CNTRL: variants seen among roughly 807,000 people sequenced by gnomAD.
CNTRL encodes the protein 110 kDa centrosomal protein.
CNTRL carries 233 observed loss-of-function variants against 303.7 expected under a neutral mutation model. That is an observed-to-expected ratio of 0.77 (90% confidence interval 0.69 to 0.86). The LOEUF (loss-of-function observed/expected upper bound fraction) is 0.86, where lower values mean the gene tolerates loss of function less well. CNTRL is among the 40% of genes least tolerant of loss of function. The pLI, the probability that CNTRL is intolerant of heterozygous loss-of-function variation, is 0.00. For missense variants in CNTRL, 2,524 were observed against 2,650.6 expected, an observed-to-expected ratio of 0.95 and a Z score of 1.05; for synonymous variants, 900 against 922.2, an observed-to-expected ratio of 0.98 and a Z score of 0.44.
chr9:121,107,898 A>G lies in CNTRL; in HGVS notation c.905A>G (p.Asn302Ser), dbSNP rs747969832. ...ACAAGGTTCCTTGAGGAAATTAAAA[A>G]TCAAGATAAATTGAATAAATCATTA... The part of the protein sequence containing the change: ...KQTRFLEEIK[N>S]QDKLNKSLKE... The change falls in exon 8 of 44, where the codon AAT becomes AGT. Residue 302 changes from asparagine to serine, a missense_variant. Transcript: ENST00000373855. The G allele has an allele frequency of 1.2e-6, 2 of 1,611,156 alleles. No homozygotes were observed. Among genetic ancestry groups the G allele is most frequent in the Non-Finnish European group, 8.5e-7 (1 of 1,178,642 alleles).
At position 121,175,131 on chromosome 9, in the gene CNTRL, GGTCACCAGCACCTCTGCAGATTCAGC is replaced by G. The variant is rs1564311600; in HGVS notation, c.6866_6891del (p.Thr2289IlefsTer65). 1 of 1,614,070 alleles carries G rather than the reference GGTCACCAGCACCTCTGCAGATTCAGC, an allele frequency of 6.2e-7. No individual in the cohort carries two copies. Among genetic ancestry groups the G allele is most frequent in the South Asian group, 1.1e-5 (1 of 91,078 alleles). ...GACAAGTAGATGCTTTAGGGGAATT[GGTCACCAGCACCTCTGCAGATTCAGC>G]GTCATCACCCAGTCTGTCTCAGCTG... On this transcript the variant is annotated frameshift_variant, in exon 43 of 44. Transcript: ENST00000373855. LOFTEE classifies it high-confidence loss of function.
At chr9:121,075,821 T>TA (rs1437432932) in intron 1 of CNTRL, among the ~76,000 whole-genome samples, 1 of 152,214 alleles carries the variant, frequency 6.6e-6, no homozygotes, top group Non-Finnish European at 1.5e-5. Context: ...CATCCCCATT[T>TA]AAAAAGTGAT....
intron 2 of CNTRL, among the ~76,000 whole-genome samples, chr9:121,086,841 CG>C (rs1347299091): frequency 2.0e-5 from 3 of 151,928 alleles, no homozygotes; most frequent in Admixed American, 2.0e-4. Flanking sequence ...CTAGTAGAGA[CG>C]GGGTTTTGCC....
At chr9:121,171,726 TA>T (rs2053313868) in intron 40 of CNTRL, 178 bp downstream of exon 40, 1 of 481,676 alleles carries the variant, frequency 2.1e-6, no homozygotes, top group African/African-American at 2.0e-5. Flanking sequence ...CCTTGACTAT[TA>T]AAAATATAAA....
intron 43 of CNTRL, among the ~76,000 whole-genome samples, chr9:121,175,548 C>T (rs1312624853): frequency 1.3e-5 from 2 of 152,166 alleles, no homozygotes; most frequent in East Asian, 3.8e-4. Context: ...GGATTACAGG[C>T]GTGAGCCACC....
chr9:121,075,118 T>C, intron 1 of CNTRL, 51 bp downstream of exon 1: 1 of 355,734 alleles, frequency 2.8e-6, no homozygotes. Context: ...GCCCGAGCAG[T>C]GGGGGCCGGC....
At chr9:121,114,414 G>C (rs540228434) in intron 10 of CNTRL, among the ~76,000 whole-genome samples, 1 of 152,314 alleles carries the variant, frequency 6.6e-6, no homozygotes, top group South Asian at 2.1e-4. Context: ...TTGACTGGTA[G>C]CTAAGTGGAA....
intron 23 of CNTRL, 79 bp from the exon 24 acceptor site, chr9:121,148,593 T>C (rs2052018262): frequency 7.5e-6 from 10 of 1,337,144 alleles, no homozygotes; most frequent in Non-Finnish European, 1.0e-5. Flanking sequence ...CATCTCAACT[T>C]TGCTGTAGAC....
chr9:121,151,384 C>CTTTTTTTTTTTTTTTT (rs200247383), intron 25 of CNTRL, among the ~76,000 whole-genome samples: 47 of 91,506 alleles, frequency 5.1e-4, no homozygotes, highest in Admixed American at 1.2e-3. Context: ...CTTTTTTCTT[C>CTTTTTTTTTTTTTTTT]TTCTTTTTTT....
intron 7 of CNTRL, among the ~76,000 whole-genome samples, chr9:121,104,712 T>TC (rs1485121643): frequency 1.4e-5 from 2 of 146,488 alleles, no homozygotes; most frequent in African/African-American, 5.0e-5. Context: ...TTTTTTTTTT[T>TC]TTTTTTGAGA....
intron 11 of CNTRL, among the ~76,000 whole-genome samples, chr9:121,116,496 A>T (rs1288205600): frequency 2.6e-5 from 4 of 151,640 alleles, no homozygotes; most frequent in Non-Finnish European, 5.9e-5. Context: ...AATTTTTTAT[A>T]TTTTTTTGTA....
Position 121,125,869 on chromosome 9 carries a change from T to C in CNTRL, c.1958T>C (p.Leu653Ser). Reference sequence around the variant, plus strand: ...GAGAAAGAGACATTGTTGCAGAGATTGACAGAAGTCGAGCAGGAGAGAGAC... The same window carrying C: ...GAGAAAGAGACATTGTTGCAGAGATCGACAGAAGTCGAGCAGGAGAGAGAC... ...RDEKETLLQR[L>S]TEVEQERDQL... The change falls in exon 14 of 44, where the codon TTG (leucine) becomes TCG (serine). Residue 653 changes from leucine to serine, a missense_variant. Coordinates refer to ENST00000373855, the MANE Select transcript of CNTRL (RefSeq NM_007018.6). The C allele has an allele frequency of 6.2e-7, 1 of 1,614,184 alleles. No individual in the cohort carries two copies. Among genetic ancestry groups the C allele is most frequent in the South Asian group, 1.1e-5 (1 of 91,084 alleles).
In CNTRL at chr9:121,169,747, T is replaced by C; in HGVS notation, c.6207T>C (p.Ala2069=). Reference sequence around the variant, plus strand: ...AGTTCTTGACAGAAAGAAAGAAAGCTGAGAAGCAGGTGGCCAGCCTGAAGG... The same window carrying C: ...AGTTCTTGACAGAAAGAAAGAAAGCCGAGAAGCAGGTGGCCAGCCTGAAGG... ...RNQFLTERKK[A]EKQVASLKEA... is the part of the protein sequence containing the mutation. Residue 2069 remains alanine, a synonymous_variant, in exon 39 of 44, where the codon GCT becomes GCC. Coordinates refer to ENST00000373855, the MANE Select transcript of CNTRL (RefSeq NM_007018.6). 6.2e-7 allele frequency: 1 copy of C among 1,614,142 alleles called. No individual in the cohort carries two copies. Among genetic ancestry groups the C allele is most frequent in the South Asian group, 1.1e-5 (1 of 91,084 alleles).
chr9:121,117,704 G>A (rs2050040248), intron 11 of CNTRL, among the ~76,000 whole-genome samples: 1 of 152,164 alleles, frequency 6.6e-6, no homozygotes, highest in Non-Finnish European at 1.5e-5. Flanking sequence ...AAGAGGCTGG[G>A]CATGGTGGCT....
At chr9:121,127,997 G>C (rs1379302117) in intron 14 of CNTRL, among the ~76,000 whole-genome samples, 1 of 152,090 alleles carries the variant, frequency 6.6e-6, no homozygotes, top group Non-Finnish European at 1.5e-5. Flanking sequence ...TGGCTGCATA[G>C]TATTCCATGG....
At chr9:121,079,918 C>T (rs545109788) in intron 1 of CNTRL, among the ~76,000 whole-genome samples, 11 of 152,094 alleles carry the variant, frequency 7.2e-5, no homozygotes, top group African/African-American at 2.7e-4. Context: ...GGGTGGAGCG[C>T]AGGGGCACGA....
At chr9:121,152,973 C>T (rs1023456366) in intron 26 of CNTRL, among the ~76,000 whole-genome samples, 1 of 152,182 alleles carries the variant, frequency 6.6e-6, no homozygotes, top group Non-Finnish European at 1.5e-5. Context: ...TGTAGTCCCT[C>T]TTGGAGAGTG....
rs576998678 is a variant in CNTRL at position 121,165,103 on chromosome 9, A to G, written c.5581+3A>G. ...AGCAATGCAACAGCAGCTCCAAGGT[A>G]TAAGGCAGCAAAACAGTGAAAGTGT... On this transcript the variant is annotated splice_donor_region_variant and intron_variant, in intron 35 of 43. Transcript: ENST00000373855. 146 of 1,563,898 alleles carry G rather than the reference A, an allele frequency of 9.3e-5. 4 individuals carry two copies. The South Asian group carries it at 1.6e-3, about 18-fold the overall frequency.
chr9:121,141,262 A>G, intron 17 of CNTRL, 119 bp from the exon 18 acceptor site: 2 of 743,052 alleles, frequency 2.7e-6, no homozygotes, highest in South Asian at 1.8e-5. Flanking sequence ...AAATTGCTAT[A>G]GATTGACACC....
Sources: gnomAD v4.1 joint callset for allele counts (sites outside exome capture counted in the v4.1 genomes callset) on GRCh38, gnomAD v4.1.1 for gene constraint, MANE v1.5 for transcripts, NCBI Gene and HGNC (gene_info 2026-07-23, HGNC 2026-07-21) for gene names.